Variants in MICB observed in about 807,000 individuals in gnomAD.
MICB encodes the protein MHC class I polypeptide-related sequence B.
In MICB, 27 loss-of-function variants were observed where a neutral mutation model predicts 34.3. The observed-to-expected ratio is 0.79, with a 90% CI of 0.58 to 1.08. The LOEUF is 1.08. MICB is among the 50% of genes least tolerant of loss of function. The pLI is 0.00. For missense variants in MICB, 426 were observed against 483.1 expected (o/e 0.88, Z 1.11); for synonymous variants, 153 against 187.4 (o/e 0.82, Z 1.50).
At chr6:31,496,136 G>A (rs911099710), upstream of MICB, among the ~76,000 whole-genome samples, 7 of 152,172 alleles carry the variant, frequency 4.6e-5, no homozygotes, top group African/African-American at 1.4e-4. Context: ...CAGTGGCTAG[G>A]TTTGAAGACC....
intron 5 of MICB, 38 bp from the exon 6 acceptor site, chr6:31,509,744 C>T: frequency 6.3e-7 from 1 of 1,579,614 alleles, no homozygotes; most frequent in South Asian, 1.2e-5. Context: ...CACAACACTG[C>T]ACCCAGTGGA....
chr6:31,495,973 G>A (rs1411297157), upstream of MICB, among the ~76,000 whole-genome samples: 1 of 152,218 alleles, frequency 6.6e-6, no homozygotes, highest in Non-Finnish European at 1.5e-5. Flanking sequence ...CCATGGGCTA[G>A]ATCAGTAGTT....
In MICB at chr6:31,506,157, C is replaced by A. The variant is rs1415171898; in HGVS notation, c.340C>A (p.Gln114Lys). Residue 114 changes from glutamine to lysine, a missense_variant, in exon 3 of 6, where the codon CAG (glutamine) becomes AAG (lysine). Physicochemically the swap from Gln to Lys is moderately conservative, Grantham distance 53 (BLOSUM62 1). Coordinates refer to ENST00000252229, the MANE Select transcript of MICB (RefSeq NM_005931.5). Reference protein sequence around the residue: ...KDQKGGLHSLQEIRVCEIHED... With the variant: ...KDQKGGLHSLKEIRVCEIHED... The stretch of plus-strand genomic sequence containing the variant: ...GGTGGGGGCAGGCTTGCATTCCCTC[C>A]AGGAGATTAGGGTCTGTGAGATCCA... The A allele has an allele frequency of 1.2e-6, 2 of 1,613,428 alleles. No homozygotes were observed. Among genetic ancestry groups the A allele is most frequent in the African/African-American group, 2.7e-5 (2 of 74,850 alleles).
rs764369933 is a variant in MICB at position 31,506,436 on chromosome 6, G to A, written c.613+6G>A. 1.2e-4 allele frequency: 188 copies of A among 1,611,972 alleles called. No homozygotes were observed. Among genetic ancestry groups the A allele is most frequent in the Admixed American group, 3.8e-4 (23 of 59,802 alleles). On this transcript the variant is annotated splice_donor_region_variant and intron_variant, in intron 3 of 5. Transcript: ENST00000252229. ...GGTGGCCATCAGGAGAACAGGTACC[G>A]ACCCTGGCCAGGGGCTCTACTGTTC...
chr6:31,504,652 T>G (rs1485770510), intron 1 of MICB, among the ~76,000 whole-genome samples: 6 of 152,182 alleles, frequency 3.9e-5, no homozygotes, highest in African/African-American at 1.4e-4. Flanking sequence ...TGCCCTTTGA[T>G]GCACAGATAT....
chr6:31,496,865 G>C (rs1307379309), upstream of MICB: 3 of 152,704 alleles, frequency 2.0e-5, no homozygotes, highest in African/African-American at 7.2e-5. Context: ...CTGGAAGAGG[G>C]AGACTGCTTA....
chr6:31,505,383 G>T (rs1320753885), intron 1 of MICB, among the ~76,000 whole-genome samples: 4 of 152,028 alleles, frequency 2.6e-5, no homozygotes, highest in Non-Finnish European at 5.9e-5. Context: ...ACCCAGTCCT[G>T]GCACCTGACC....
At chr6:31,498,446 C>CTTTTTTTTTTTT (rs9279321) in intron 1 of MICB, among the ~76,000 whole-genome samples, 183 bp downstream of exon 1, 5 of 89,262 alleles carry the variant, frequency 5.6e-5, no homozygotes, top group Non-Finnish European at 1.1e-4. Context: ...TCTCCCGTCT[C>CTTTTTTTTTTTT]TTTTTTTTTT....
rs1239151478 is a variant in MICB at position 31,509,540 on chromosome 6, C to A, written c.1025-242C>A. On this transcript the variant is annotated intron_variant, in intron 5 of 5. Coordinates refer to ENST00000252229, the MANE Select transcript of MICB (RefSeq NM_005931.5). ...TGGGTCTTGTCCTTTTGTCTTGGGGCCCTTTCACTCCCTGCACGGTGAGTG... is the reference window on the plus strand; with the variant it reads ...TGGGTCTTGTCCTTTTGTCTTGGGGACCTTTCACTCCCTGCACGGTGAGTG... 3.3e-5 allele frequency among the ~76,000 whole-genome samples: 5 copies of A among 152,240 alleles called. No homozygotes were observed. In the South Asian group the frequency reaches 8.3e-4, roughly 25 times the overall value.
chr6:31,508,527 G>A (rs1765483053), intron 5 of MICB, among the ~76,000 whole-genome samples: 1 of 152,184 alleles, frequency 6.6e-6, no homozygotes, highest in African/African-American at 2.4e-5. Context: ...GAGCAGATGG[G>A]AAGGTTCGTC....
intron 1 of MICB, among the ~76,000 whole-genome samples, chr6:31,503,030 C>T (rs1246102664): frequency 3.9e-5 from 6 of 152,024 alleles, no homozygotes; most frequent in South Asian, 2.1e-4. Flanking sequence ...TCTGTTGATA[C>T]GATGTATTAC....
At chr6:31,497,696 T>C (rs1450985349), upstream of MICB, among the ~76,000 whole-genome samples, 2 of 151,842 alleles carry the variant, frequency 1.3e-5, no homozygotes, top group Admixed American at 6.6e-5. Flanking sequence ...CTGTGCGCGG[T>C]TGAGGGAGTG....
intron 1 of MICB, among the ~76,000 whole-genome samples, chr6:31,504,355 C>T (rs1490526464): frequency 7.1e-6 from 1 of 140,304 alleles, no homozygotes; most frequent in Non-Finnish European, 1.5e-5. Flanking sequence ...CGCCCGCTAG[C>T]TTCATGCCAT....
At chr6:31,500,171 T>C (rs1170278134) in intron 1 of MICB, among the ~76,000 whole-genome samples, 10 of 151,912 alleles carry the variant, frequency 6.6e-5, no homozygotes, top group Admixed American at 6.6e-4. Flanking sequence ...TTTTGCCTGC[T>C]CTTGGGGTGC....
upstream of MICB, among the ~76,000 whole-genome samples, chr6:31,497,776 G>C (rs1433081705): frequency 1.3e-5 from 2 of 152,166 alleles, no homozygotes; most frequent in Admixed American, 1.3e-4. Context: ...CTGATGGGAG[G>C]ACCGGCGAAA....
rs1051788 is a variant in MICB, at chr6:31,506,223, G to A, written c.406G>A (p.Asp136Asn). Residue 136 changes from aspartate to asparagine, a missense_variant, in exon 3 of 6, where the codon GAT becomes AAT. Asp to Asn is a conservative substitution (Grantham distance 23). Coordinates refer to ENST00000252229, the MANE Select transcript of MICB (RefSeq NM_005931.5). ...CAGGGGCTCCCGGCATTTCTACTAC[G>A]ATGGGGAGCTCTTCCTCTCCCAAAA... Reference protein sequence around the residue: ...STRGSRHFYYDGELFLSQNLE... With the variant: ...STRGSRHFYYNGELFLSQNLE... The A allele has an allele frequency of 0.31, 492,382 of 1,613,810 alleles. 76,980 individuals carry two copies. The highest frequency in any genetic ancestry group is 0.37 in the African/African-American group (28,072 of 74,894).
chr6:31,503,248 A>G (rs1250086233), intron 1 of MICB, among the ~76,000 whole-genome samples: 15 of 152,146 alleles, frequency 9.9e-5, no homozygotes, highest in Non-Finnish European at 2.9e-5. Context: ...TTGTAAAATG[A>G]GTTTGGAAGT....
upstream of MICB, among the ~76,000 whole-genome samples, chr6:31,495,661 C>CG (rs1764614946): frequency 6.6e-6 from 1 of 151,744 alleles, no homozygotes; most frequent in African/African-American, 2.4e-5. Flanking sequence ...GTGAGGCCAA[C>CG]AAAAAAGAAA....
chr6:31,501,899 A>G (rs562953042), intron 1 of MICB, among the ~76,000 whole-genome samples: 1 of 152,218 alleles, frequency 6.6e-6, no homozygotes, highest in South Asian at 2.1e-4. Flanking sequence ...TGCTCAGGGT[A>G]GCTTTATCTA....
Sources: allele counts gnomAD v4.1 joint callset (sites outside exome capture counted in the v4.1 genomes callset), GRCh38; gene constraint gnomAD v4.1.1; transcripts MANE v1.5; gene names NCBI Gene and HGNC (gene_info 2026-07-23, HGNC 2026-07-21).